The following KSR2 variants were observed in gnomAD, a reference collection of about 807,000 sequenced individuals.
KSR2 encodes kinase suppressor of ras 2.
In KSR2, 25 loss-of-function variants were observed where a neutral mutation model predicts 107.8. The ratio of observed to expected loss-of-function variants is 0.23; its 90% CI spans 0.17 to 0.32. The LOEUF (loss-of-function observed/expected upper bound fraction) is 0.32, where lower values mean the gene tolerates loss of function less well. Ranked by LOEUF, KSR2 falls within the 10% of genes least tolerant of loss-of-function variation. KSR2 has a pLI of 1.00. For missense variants in KSR2, 887 were observed against 1,268.9 expected, an observed-to-expected ratio of 0.70 and a Z score of 4.57; for synonymous variants, 480 against 507.0, an observed-to-expected ratio of 0.95 and a Z score of 0.71.
chr12:117,625,164 T>A (rs954798304), intron 5 of KSR2, among the ~76,000 whole-genome samples: 1 of 152,168 alleles, frequency 6.6e-6, no homozygotes, highest in Non-Finnish European at 1.5e-5. Flanking sequence ...ACAATTTGAC[T>A]TCCTCATTTC....
At chr12:117,558,623 G>A (rs1413487038) in intron 7 of KSR2, 50 bp from the exon 8 acceptor site, 1 of 1,439,492 alleles carries the variant, frequency 6.9e-7, no homozygotes, top group Non-Finnish European at 9.8e-7. Flanking sequence ...GGCTGAGTGA[G>A]CGGGTAGGTG....
rs150445625 is a variant in KSR2 at position 117,903,033 on chromosome 12, G to T, written c.181-42602C>A. 1.4e-3 allele frequency among the ~76,000 whole-genome samples: 207 copies of T among 152,312 alleles called. 1 individual carries two copies. Among genetic ancestry groups the T allele is most frequent in the African/African-American group, 4.7e-3 (196 of 41,572 alleles). On this transcript the variant is annotated intron_variant, in intron 1 of 19. Transcript: ENST00000339824. The stretch of plus-strand genomic sequence containing the variant: ...ATACATTTTAAGCACTTAGAATAGA[G>T]CTTTGAACACAGCAAGGCCCCTACA...
chr12:117,562,450 CT>C (rs2137365413), intron 7 of KSR2, among the ~76,000 whole-genome samples: 1 of 152,296 alleles, frequency 6.6e-6, no homozygotes, highest in South Asian at 2.1e-4. Flanking sequence ...CTTGGAATAG[CT>C]GGACTCCACC....
rs1340282472 is a variant in KSR2, at chr12:117,772,292, T to C, written c.473-10768A>G. Among the ~76,000 whole-genome samples the C allele has an allele frequency of 1.8e-3, 77 of 42,976 alleles. 1 individual carries two copies. Among genetic ancestry groups the C allele is most frequent in the Non-Finnish European group, 2.1e-3 (47 of 22,298 alleles). The allele number at this position is 42,976 out of a possible 152,430, so 28.2% of individuals were successfully genotyped here. A position where few individuals can be genotyped will look rare whatever the true frequency, so the allele number is the denominator to read the frequency against. ...CCAAAGACGCACACACACTCACACA[T>C]ACACACCATTCCCCCAAAGACGCAC... On this transcript the variant is annotated intron_variant, in intron 3 of 19. Coordinates refer to ENST00000339824, the MANE Select transcript of KSR2 (RefSeq NM_173598.6).
chr12:117,692,935 C>T (rs2136580530), intron 4 of KSR2, among the ~76,000 whole-genome samples: 1 of 152,262 alleles, frequency 6.6e-6, no homozygotes, highest in East Asian at 1.9e-4. Context: ...GGGTATAGGG[C>T]TTCCTTTTGG....
intron 4 of KSR2, among the ~76,000 whole-genome samples, chr12:117,753,374 C>A (rs1888674902): frequency 6.6e-6 from 1 of 152,182 alleles, no homozygotes; most frequent in African/African-American, 2.4e-5. Flanking sequence ...AATAACCAAT[C>A]TTTGTCCCCT....
chr12:117,574,927 G>A (rs925807543), intron 7 of KSR2, among the ~76,000 whole-genome samples: 2 of 151,220 alleles, frequency 1.3e-5, no homozygotes, highest in Non-Finnish European at 2.9e-5. Flanking sequence ...CTCCCTCCAG[G>A]GAAGGATCAA....
Position 117,483,018 on chromosome 12 carries a change from C to T in KSR2, c.2450+1398G>A, listed in dbSNP as rs879757422. Among the ~76,000 whole-genome samples the T allele has an allele frequency of 3.3e-5, 5 of 152,244 alleles. 1 individual carries two copies. The highest frequency in any genetic ancestry group is 9.6e-5 in the African/African-American group (4 of 41,470). ...CCCTGCCAGTGAACCAGGAACTTAA[C>T]TGCTGCTGGGGAGTCAGAGGGAAGA... On this transcript the variant is annotated intron_variant, in intron 16 of 19. Transcript: ENST00000339824.
chr12:117,495,780 C>A (rs1031754291), intron 14 of KSR2, among the ~76,000 whole-genome samples: 1 of 152,162 alleles, frequency 6.6e-6, no homozygotes, highest in Non-Finnish European at 1.5e-5. Context: ...GGCGGCCGGG[C>A]GCAGTGGCTC....
intron 4 of KSR2, among the ~76,000 whole-genome samples, chr12:117,716,999 T>C (rs963083882): frequency 6.6e-6 from 1 of 152,234 alleles, no homozygotes; most frequent in Non-Finnish European, 1.5e-5. Context: ...GTTTGACTTT[T>C]CAAGTCTATT....
At chr12:117,585,714 C>T (rs556818478) in intron 5 of KSR2, among the ~76,000 whole-genome samples, 2 of 152,288 alleles carry the variant, frequency 1.3e-5, no homozygotes, top group East Asian at 3.9e-4. Flanking sequence ...GCAATTAAAC[C>T]GATACAGAAA....
intron 4 of KSR2, among the ~76,000 whole-genome samples, chr12:117,714,069 G>C (rs939337743): frequency 6.6e-6 from 1 of 152,058 alleles, no homozygotes; most frequent in South Asian, 2.1e-4. Context: ...GATGGAGTGA[G>C]GGGGGGAGCA....
intron 1 of KSR2, among the ~76,000 whole-genome samples, chr12:117,913,144 T>C (rs962509075): frequency 2.0e-5 from 3 of 151,928 alleles, no homozygotes; most frequent in African/African-American, 7.3e-5. Context: ...AGAAGAAGGG[T>C]GCTCCACCCC....
intron 10 of KSR2, 56 bp downstream of exon 10, chr12:117,539,663 C>T: frequency 6.7e-7 from 1 of 1,495,138 alleles, no homozygotes; most frequent in South Asian, 1.4e-5. Context: ...CACCCCCTCC[C>T]TAATCTCTGC....
intron 3 of KSR2, among the ~76,000 whole-genome samples, chr12:117,848,328 T>C (rs931450412): frequency 6.6e-6 from 1 of 152,200 alleles, no homozygotes; most frequent in Non-Finnish European, 1.5e-5. Context: ...CCTGCTGTCC[T>C]CAGACGCTGA....
chr12:117,552,409 G>A (rs1256348988), intron 9 of KSR2, among the ~76,000 whole-genome samples: 1 of 152,190 alleles, frequency 6.6e-6, no homozygotes, highest in African/African-American at 2.4e-5. Context: ...GAGCAGGCTT[G>A]TGACTGCTTC....
At chr12:117,616,161 GAAA>G (rs10632275) in intron 5 of KSR2, among the ~76,000 whole-genome samples, 1 of 114,208 alleles carries the variant, frequency 8.8e-6, no homozygotes, top group African/African-American at 2.8e-5. Flanking sequence ...ACCCTGTCTC[GAAA>G]AAAAAAAAAA....
At chr12:117,896,824 A>T (rs1894527060) in intron 1 of KSR2, among the ~76,000 whole-genome samples, 2 of 152,178 alleles carry the variant, frequency 1.3e-5, no homozygotes, top group Non-Finnish European at 2.9e-5. Context: ...GTTATGGTGT[A>T]TGAGTTATAT....
At chr12:117,959,772 T>C (rs940841027) in intron 1 of KSR2, among the ~76,000 whole-genome samples, 20 of 151,720 alleles carry the variant, frequency 1.3e-4, no homozygotes, top group Non-Finnish European at 2.9e-4. Context: ...CTCTACAAAA[T>C]TTTTAAAATG....
Sources: gnomAD v4.1 joint callset for allele counts (sites outside exome capture counted in the v4.1 genomes callset) on GRCh38, gnomAD v4.1.1 for gene constraint, MANE v1.5 for transcripts, NCBI Gene and HGNC (gene_info 2026-07-23, HGNC 2026-07-21) for gene names.